The following PCOLCE variants were observed in gnomAD, a reference collection of about 807,000 sequenced individuals.
PCOLCE encodes procollagen C-endopeptidase enhancer 1.
A neutral mutation model predicts 47.2 loss-of-function variants in PCOLCE; 33 were observed. The observed-to-expected ratio is 0.70, with a 90% CI of 0.53 to 0.93. PCOLCE has a LOEUF of 0.93. PCOLCE is among the 40% of genes least tolerant of loss of function. The pLI is 0.00. For missense variants in PCOLCE, 584 were observed against 585.3 expected (o/e 1.00, Z 0.02); for synonymous variants, 254 against 252.5 (o/e 1.01, Z -0.06).
chr7:100,603,191 T>C, intron 1 of PCOLCE: 1 of 418,220 alleles, frequency 2.4e-6, no homozygotes, highest in Non-Finnish European at 4.2e-6. Flanking sequence ...GTGGGGACTC[T>C]TGGGGTTGGA....
At chr7:100,602,951 G>A (rs746439112) in intron 1 of PCOLCE, 7 of 294,242 alleles carry the variant, frequency 2.4e-5, no homozygotes, top group Non-Finnish European at 3.8e-5. Flanking sequence ...TTTGGAACAG[G>A]GGCAGGGCTA....
intron 1 of PCOLCE, chr7:100,602,753 C>A: frequency 1.7e-6 from 1 of 586,320 alleles, no homozygotes; most frequent in South Asian, 2.1e-5. Context: ...TGCTCCCATT[C>A]CCCCACCTTC....
chr7:100,602,552 G>T lies in PCOLCE; in HGVS notation c.95+1G>T. On this transcript the variant is annotated splice_donor_variant, in intron 1 of 8. Coordinates refer to ENST00000223061, the MANE Select transcript of PCOLCE (RefSeq NM_002593.4). LOFTEE classifies it high-confidence loss of function. Reference sequence around the variant, plus strand: ...AGGGCCAGACCCCCAACTACACCAGGTAGGTCTCTTGGCATCTTCCAGACA... The same window carrying T: ...AGGGCCAGACCCCCAACTACACCAGTTAGGTCTCTTGGCATCTTCCAGACA... 1 of 1,585,438 alleles carries T rather than the reference G, an allele frequency of 6.3e-7. No homozygotes were observed. Among genetic ancestry groups the T allele is most frequent in the Middle Eastern group, 1.7e-4 (1 of 6,014 alleles).
chr7:100,608,169 T>A lies in PCOLCE; in HGVS notation c.*66T>A. The A allele has an allele frequency of 7.3e-7, 1 of 1,374,708 alleles. No homozygotes were observed. The highest frequency in any genetic ancestry group is 1.9e-5 in the Admixed American group (1 of 51,946). 85.2% of individuals were successfully genotyped at this position (1,374,708 alleles called of 1,614,324 possible). A position where few individuals can be genotyped will look rare whatever the true frequency, so the allele number is the denominator to read the frequency against. ...TCTTATCCAAATAAATGTTTCTTAA[T>A]GAGGAATGGGTCAGATCTCCATGCT... On this transcript the variant is annotated 3_prime_UTR_variant, in exon 9 of 9. Transcript: ENST00000223061.
chr7:100,604,042 G>A lies in PCOLCE; in HGVS notation c.288G>A (p.Glu96=), dbSNP rs1289240454. 1.2e-6 allele frequency: 2 copies of A among 1,607,586 alleles called. No homozygotes were observed. The highest frequency in any genetic ancestry group is 1.7e-6 in the Non-Finnish European group (2 of 1,179,982). Residue 96 remains glutamate, a synonymous_variant, in exon 3 of 9, where the codon GAG becomes GAA. Coordinates refer to ENST00000223061, the MANE Select transcript of PCOLCE (RefSeq NM_002593.4). The surrounding 1 kb of genome is among the most constrained non-coding windows in gnomAD (Gnocchi z 6.4). ...CCGCCTGCCGCTACGATGCTCTGGA[G>A]GTCTTCGCTGGGTCTGGGACTTCCG... ...LHPACRYDAL[E]VFAGSGTSGQ...
Position 100,605,341 on chromosome 7 carries a change from A to G in PCOLCE, c.588+126A>G. On this transcript the variant is annotated intron_variant, in intron 4 of 8. Transcript: ENST00000223061. This position sits in a 1 kb window ranked among gnomAD's most constrained non-coding sequence, Gnocchi z 6.1. ...TGCGCTTGCGCTGGTGGGCACCCAA[A>G]ACAGCCCCAACCCCTGCATGCACGC... The G allele has an allele frequency of 2.2e-6, 2 of 926,272 alleles. No homozygotes were observed. The highest frequency in any genetic ancestry group is 3.2e-6 in the Non-Finnish European group (2 of 619,598). The allele number at this position is 926,272 out of a possible 1,614,324, so 57.4% of individuals were successfully genotyped here. A position where few individuals can be genotyped will look rare whatever the true frequency, so the allele number is the denominator to read the frequency against.
chr7:100,606,370 C>G (rs781542268), intron 5 of PCOLCE, 46 bp from the exon 6 acceptor site: 108 of 1,396,478 alleles, frequency 7.7e-5, no homozygotes, highest in African/African-American at 1.4e-5. Flanking sequence ...GAGTGTGGTG[C>G]ACGCCCGCCC....
Position 100,605,312 on chromosome 7 carries a change from G to A in PCOLCE, c.588+97G>A. 7.7e-7 allele frequency: 1 copy of A among 1,302,782 alleles called. No homozygotes were observed. The highest frequency in any genetic ancestry group is 1.1e-6 in the Non-Finnish European group (1 of 949,842). The allele number at this position is 1,302,782 out of a possible 1,614,324, so 80.7% of individuals were successfully genotyped here. Reference sequence around the variant, plus strand: ...TTATTGAAGATCTGCTGTGTCCCGAGCACTGCGCTTGCGCTGGTGGGCACC... The same window carrying A: ...TTATTGAAGATCTGCTGTGTCCCGAACACTGCGCTTGCGCTGGTGGGCACC... On this transcript the variant is annotated intron_variant, in intron 4 of 8. Coordinates refer to ENST00000223061, the MANE Select transcript of PCOLCE (RefSeq NM_002593.4). The surrounding 1 kb of genome is among the most constrained non-coding windows in gnomAD (Gnocchi z 6.1).
Position 100,605,068 on chromosome 7 carries a change from C to A in PCOLCE, c.464-23C>A, listed in dbSNP as rs746951832. 486 of 1,590,132 alleles carry A rather than the reference C, an allele frequency of 3.1e-4. 1 individual carries two copies. Among genetic ancestry groups the A allele is most frequent in the Non-Finnish European group, 3.7e-4 (427 of 1,161,876 alleles). ...CGAGGGTCTCCACCGCCCCCCACCC[C>A]CGCTCCTCTCTCCCCTCCCCAGAGC... On this transcript the variant is annotated intron_variant, in intron 3 of 8. Transcript: ENST00000223061. This position sits in a 1 kb window ranked among gnomAD's most constrained non-coding sequence, Gnocchi z 6.1.
intron 2 of PCOLCE, 129 bp from the exon 3 acceptor site, chr7:100,603,830 G>A: frequency 9.6e-7 from 1 of 1,046,460 alleles, no homozygotes; most frequent in African/African-American, 1.6e-5. Context: ...CCTCTGCTCT[G>A]CACTCACATG....
At position 100,604,111 on chromosome 7, in the gene PCOLCE, C is replaced by T. The variant is rs1439323690; in HGVS notation, c.357C>T (p.Pro119=). ...TTTGTGGGACCTTCCGGCCTGCGCC[C>T]CTAGTCGCCCCCGGCAACCAGGTGA... ...GRFCGTFRPA[P]LVAPGNQVTL... Residue 119 remains proline (P), a synonymous_variant, in exon 3 of 9, where the codon CCC becomes CCT. Coordinates refer to ENST00000223061, the MANE Select transcript of PCOLCE (RefSeq NM_002593.4). This position sits in a 1 kb window ranked among gnomAD's most constrained non-coding sequence, Gnocchi z 6.4. 3.1e-6 allele frequency: 5 copies of T among 1,611,568 alleles called. No homozygotes were observed. The South Asian group carries it at 3.3e-5, about 11-fold the overall frequency.
In PCOLCE at chr7:100,605,838, C is replaced by A. The variant is rs550835380; in HGVS notation, c.725+26C>A. The A allele has an allele frequency of 9.7e-6, 15 of 1,545,490 alleles. No individual in the cohort carries two copies. The South Asian group carries it at 1.7e-4, about 17-fold the overall frequency. ...GTGAGGGGCGGGACCTGGGCGAGTC[C>A]GGGAGAGAGTCGGCGGACCGCACGC... is the stretch of plus-strand genomic sequence containing the variant. On this transcript the variant is annotated intron_variant, in intron 5 of 8. Coordinates refer to ENST00000223061, the MANE Select transcript of PCOLCE (RefSeq NM_002593.4). This position sits in a 1 kb window ranked among gnomAD's most constrained non-coding sequence, Gnocchi z 6.1.
Position 100,604,414 on chromosome 7 carries a change from C to T in PCOLCE, c.463+197C>T. Reference sequence around the variant, plus strand: ...TCTCTCCCCTCCTCCCGCACCCACCCATCCCTCTTCCAGGGCCCCCCCCAG... The same window carrying T: ...TCTCTCCCCTCCTCCCGCACCCACCTATCCCTCTTCCAGGGCCCCCCCCAG... On this transcript the variant is annotated intron_variant, in intron 3 of 8. Coordinates refer to ENST00000223061, the MANE Select transcript of PCOLCE (RefSeq NM_002593.4). The surrounding 1 kb of genome is among the most constrained non-coding windows in gnomAD (Gnocchi z 6.4). 1.6e-6 allele frequency: 1 copy of T among 635,528 alleles called. No individual in the cohort carries two copies. The highest frequency in any genetic ancestry group is 2.7e-5 in the Admixed American group (1 of 36,968). The allele number at this position is 635,528 out of a possible 1,614,324, so 39.4% of individuals were successfully genotyped here.
Position 100,605,281 on chromosome 7 carries a change from A to G in PCOLCE, c.588+66A>G. 6.6e-7 allele frequency: 1 copy of G among 1,515,658 alleles called. No homozygotes were observed. The highest frequency in any genetic ancestry group is 9.0e-7 in the Non-Finnish European group (1 of 1,111,728). The allele number at this position is 1,515,658 out of a possible 1,614,324, so 93.9% of individuals were successfully genotyped here. ...CGGCGCCCTCCAGCTTGCAGCCAGC[A>G]GAGATTTATTGAAGATCTGCTGTGT... On this transcript the variant is annotated intron_variant, in intron 4 of 8. Coordinates refer to ENST00000223061, the MANE Select transcript of PCOLCE (RefSeq NM_002593.4). The surrounding 1 kb of genome is among the most constrained non-coding windows in gnomAD (Gnocchi z 6.1).
At chr7:100,603,616 C>A (rs570863897) in intron 2 of PCOLCE, 78 bp downstream of exon 2, 3 of 637,592 alleles carry the variant, frequency 4.7e-6, no homozygotes, top group Non-Finnish European at 8.3e-6. Flanking sequence ...GACCCCCCCC[C>A]CGTCCCCCCC....
chr7:100,605,956 G>A lies in PCOLCE; in HGVS notation c.725+144G>A, dbSNP rs1584441796. 2 of 945,590 alleles carry A rather than the reference G, an allele frequency of 2.1e-6. No individual in the cohort carries two copies. Among genetic ancestry groups the A allele is most frequent in the East Asian group, 5.4e-5 (2 of 37,380 alleles). The allele number at this position is 945,590 out of a possible 1,614,324, so 58.6% of individuals were successfully genotyped here. On this transcript the variant is annotated intron_variant, in intron 5 of 8. Transcript: ENST00000223061. This position sits in a 1 kb window ranked among gnomAD's most constrained non-coding sequence, Gnocchi z 6.1. Reference sequence around the variant, plus strand: ...GCGAGGGGAGCAGGTTGGAGGCCAGGCAAAGAGGAGATTTGGCCCCGGGTC... The same window carrying A: ...GCGAGGGGAGCAGGTTGGAGGCCAGACAAAGAGGAGATTTGGCCCCGGGTC...
Position 100,605,737 on chromosome 7 carries a change from C to A in PCOLCE, c.650C>A (p.Ser217Ter), listed in dbSNP as rs145818954. 3 of 1,569,846 alleles carry A rather than the reference C, an allele frequency of 1.9e-6. No individual in the cohort carries two copies. Among genetic ancestry groups the A allele is most frequent in the Admixed American group, 3.7e-5 (2 of 53,556 alleles). The change falls in exon 5 of 9, where the codon TCG (serine) becomes TAG (stop). Residue 217 changes from serine to a stop codon, truncating the protein, a stop_gained. Coordinates refer to ENST00000223061, the MANE Select transcript of PCOLCE (RefSeq NM_002593.4). LOFTEE classifies it high-confidence loss of function. This position sits in a 1 kb window ranked among gnomAD's most constrained non-coding sequence, Gnocchi z 6.1. ...CCGGACACCTACTGCCGCTATGACT[C>A]GGTCAGCGTGTTCAACGGAGCCGTG... ...LEPDTYCRYDSVSVFNGAVSD... is the reference protein window; with the variant it reads ...LEPDTYCRYD
chr7:100,605,187 C>T lies in PCOLCE; in HGVS notation c.560C>T (p.Ser187Phe). 3 of 1,612,750 alleles carry T rather than the reference C, an allele frequency of 1.9e-6. No homozygotes were observed. The highest frequency in any genetic ancestry group is 2.5e-6 in the Non-Finnish European group (3 of 1,179,498). ...GATTACCCCCCGGGCATCAGCTGTT[C>T]CTGGCACATCATCGCGCCCCCGGAC... Reference protein sequence around the residue: ...ESDYPPGISCSWHIIAPPDQV... With the variant: ...ESDYPPGISCFWHIIAPPDQV... The change falls in exon 4 of 9, where the codon TCC becomes TTC. Residue 187 changes from serine (S) to phenylalanine (F), a missense_variant. Coordinates refer to ENST00000223061, the MANE Select transcript of PCOLCE (RefSeq NM_002593.4). This position sits in a 1 kb window ranked among gnomAD's most constrained non-coding sequence, Gnocchi z 6.1.
In PCOLCE at chr7:100,605,109, G is replaced by A. The variant is rs767576015; in HGVS notation, c.482G>A (p.Gly161Glu). ...TSGTEHQFCGGRLEKAQGTLT... is the reference protein window; with the variant it reads ...TSGTEHQFCGERLEKAQGTLT... ...TCCCCAGAGCACCAATTTTGCGGGG[G>A]GCGGCTGGAGAAGGCCCAGGGAACC... Residue 161 changes from glycine (G) to glutamate (E), a missense_variant, in exon 4 of 9, where the codon GGG becomes GAG. Gly to Glu is a moderately conservative substitution (Grantham distance 98, BLOSUM62 -2). Transcript: ENST00000223061. This position sits in a 1 kb window ranked among gnomAD's most constrained non-coding sequence, Gnocchi z 6.1. The A allele has an allele frequency of 1.9e-6, 3 of 1,611,962 alleles. No individual in the cohort carries two copies. Among genetic ancestry groups the A allele is most frequent in the Non-Finnish European group, 2.5e-6 (3 of 1,179,270 alleles).
Sources: allele counts gnomAD v4.1 joint callset, GRCh38; gene constraint gnomAD v4.1.1; non-coding constraint Gnocchi (gnomAD v3.1); transcripts MANE v1.5; gene names NCBI Gene and HGNC (gene_info 2026-07-23, HGNC 2026-07-21).